The following HS1BP3 variants were observed in gnomAD, a reference collection of about 807,000 sequenced individuals.
The protein encoded by HS1BP3 is HCLS1 binding protein 3.
In HS1BP3, 32 loss-of-function variants were observed where a neutral mutation model predicts 33.5. That is an observed-to-expected ratio of 0.95 (90% CI 0.72 to 1.28). The LOEUF (loss-of-function observed/expected upper bound fraction) is 1.28, where lower values mean the gene tolerates loss of function less well. Among genes scored for constraint, HS1BP3 ranks in the 50% most tolerant of loss-of-function variants. The pLI, the probability that HS1BP3 is intolerant of heterozygous loss-of-function variation, is 0.00. For synonymous variants in HS1BP3, 187 were observed against 209.2 expected (o/e 0.89, Z 0.92); for missense variants, 486 against 502.3 (o/e 0.97, Z 0.31).
intron 3 of HS1BP3, among the ~76,000 whole-genome samples, chr2:20,596,643 G>T (rs1324964781): frequency 6.6e-6 from 1 of 152,210 alleles, no homozygotes; most frequent in Admixed American, 6.5e-5. Context: ...TTTTATAGCA[G>T]CTTGAAAGGA....
downstream of HS1BP3, among the ~76,000 whole-genome samples, chr2:20,558,824 C>T (rs1465799514): frequency 6.6e-6 from 1 of 152,116 alleles, no homozygotes; most frequent in South Asian, 2.1e-4. Flanking sequence ...TACTGGGGGG[C>T]CCATGACCAC....
chr2:20,616,877 A>G (rs2149288279), downstream of HS1BP3, among the ~76,000 whole-genome samples: 1 of 152,276 alleles, frequency 6.6e-6, no homozygotes, highest in East Asian at 1.9e-4. Context: ...AGGATCATTG[A>G]TTGGCCATGA....
chr2:20,624,694 G>T, intron 5 of HS1BP3, 38 bp downstream of exon 5: 1 of 1,545,204 alleles, frequency 6.5e-7, no homozygotes, highest in Non-Finnish European at 8.7e-7. Flanking sequence ...GCTGGGCACC[G>T]AGAGGACACC....
At position 20,618,717 on chromosome 2, in the gene HS1BP3, C is replaced by A; in HGVS notation, c.*270G>T. On this transcript the variant is annotated 3_prime_UTR_variant, in exon 7 of 7. Transcript: ENST00000304031. ...GCTTCTGGTTGGCAAGGCATCCCCACACCCTCCCTCCCCTTCATGTCCACG... is the reference window on the plus strand; with the variant it reads ...GCTTCTGGTTGGCAAGGCATCCCCAAACCCTCCCTCCCCTTCATGTCCACG... 2 of 1,265,158 alleles carry A rather than the reference C, an allele frequency of 1.6e-6. No individual in the cohort carries two copies. The highest frequency in any genetic ancestry group is 1.0e-6 in the Non-Finnish European group (1 of 1,003,256). The allele number at this position is 1,265,158 out of a possible 1,614,324, so 78.4% of individuals were successfully genotyped here. A position where few individuals can be genotyped will look rare whatever the true frequency, so the allele number is the denominator to read the frequency against.
rs759181011 is a variant in HS1BP3, at chr2:20,640,834, G to A, written c.406+139C>T. 46 of 794,984 alleles carry A rather than the reference G, an allele frequency of 5.8e-5. No homozygotes were observed. The Middle Eastern group carries it at 2.1e-3, about 37-fold the overall frequency. 49.2% of individuals were successfully genotyped at this position (794,984 alleles called of 1,614,324 possible). A position where few individuals can be genotyped will look rare whatever the true frequency, so the allele number is the denominator to read the frequency against. On this transcript the variant is annotated intron_variant, in intron 3 of 6. Coordinates refer to ENST00000304031, the MANE Select transcript of HS1BP3 (RefSeq NM_022460.4). ...CCACCATCCAGCCAAGGATGTCAGC[G>A]AGGCCACCTGCCTCACCAGCCTGGC...
At chr2:20,592,396 C>G (rs1436959292), downstream of HS1BP3, 1 of 163,566 alleles carries the variant, frequency 6.1e-6, no homozygotes, top group Non-Finnish European at 1.5e-5. Flanking sequence ...CCTCCCCCAT[C>G]CATCACAGTT....
intron 5 of HS1BP3, among the ~76,000 whole-genome samples, chr2:20,561,745 G>A (rs1693002920): frequency 6.6e-6 from 1 of 152,126 alleles, no homozygotes; most frequent in Non-Finnish European, 1.5e-5. Context: ...TTGGTTTCTG[G>A]CACACTGCTC....
intron 2 of HS1BP3, among the ~76,000 whole-genome samples, chr2:20,644,916 C>A (rs1299290900): frequency 6.6e-6 from 1 of 152,182 alleles, no homozygotes; most frequent in Non-Finnish European, 1.5e-5. Context: ...TGCAGAGTTC[C>A]CACTCAATGT....
Position 20,619,113 on chromosome 2 carries a change from G to A in HS1BP3, c.1053C>T (p.Gly351=). The A allele has an allele frequency of 6.2e-7, 1 of 1,614,192 alleles. No homozygotes were observed. The highest frequency in any genetic ancestry group is 8.5e-7 in the Non-Finnish European group (1 of 1,180,008). ...PRKPAVPPKA[G]PAEAVAGQQK... Reference sequence around the variant, plus strand: ...GCTGCCCAGCCACAGCTTCAGCCGGGCCCGCTTTGGGGGGAACAGCTGGTT... The same window carrying A: ...GCTGCCCAGCCACAGCTTCAGCCGGACCCGCTTTGGGGGGAACAGCTGGTT... Residue 351 remains glycine (G), a synonymous_variant, in exon 7 of 7, where the codon GGC becomes GGT. Transcript: ENST00000304031.
chr2:20,617,312 G>C (rs1036614850), downstream of HS1BP3, among the ~76,000 whole-genome samples: 1 of 152,198 alleles, frequency 6.6e-6, no homozygotes, highest in African/African-American at 2.4e-5. Context: ...GGGCGGGTGT[G>C]AAGGGGGAAG....
chr2:20,628,667 A>T (rs1200234904), intron 4 of HS1BP3, among the ~76,000 whole-genome samples: 4 of 151,642 alleles, frequency 2.6e-5, no homozygotes, highest in Non-Finnish European at 5.9e-5. Context: ...TCATTAGCAC[A>T]CAGGGTGTTC....
At chr2:20,621,284 C>T (rs550829642) in intron 6 of HS1BP3, among the ~76,000 whole-genome samples, 8 of 152,328 alleles carry the variant, frequency 5.3e-5, no homozygotes, top group South Asian at 2.1e-4. Context: ...GAAGGAGCTC[C>T]GGACACCCTG....
At chr2:20,612,571 G>C (rs1694338185) in intron 2 of HS1BP3, among the ~76,000 whole-genome samples, 1 of 152,152 alleles carries the variant, frequency 6.6e-6, no homozygotes, top group African/African-American at 2.4e-5. Context: ...ACAATACGTG[G>C]TCTTTTGAGT....
intron 4 of HS1BP3, among the ~76,000 whole-genome samples, chr2:20,625,820 G>A (rs1002259753): frequency 6.6e-6 from 1 of 152,242 alleles, no homozygotes; most frequent in Non-Finnish European, 1.5e-5. Context: ...GGCTGGATAA[G>A]TAAACACGCA....
chr2:20,626,997 C>G (rs1450675497), intron 4 of HS1BP3, among the ~76,000 whole-genome samples: 1 of 152,236 alleles, frequency 6.6e-6, no homozygotes, highest in Non-Finnish European at 1.5e-5. Context: ...CAGCCAAGAC[C>G]CACTGAGTCG....
chr2:20,619,129 A>C lies in HS1BP3; in HGVS notation c.1037T>G (p.Val346Gly), dbSNP rs183773608. The change falls in exon 7 of 7, where the codon GTT (valine) becomes GGT (glycine). Residue 346 changes from valine (V) to glycine (G), a missense_variant. Val to Gly is a moderately radical substitution (Grantham distance 109). Transcript: ENST00000304031. The part of the protein sequence containing the change: ...AKPVIPRKPA[V>G]PPKAGPAEAV... Reference sequence around the variant, plus strand: ...TTCAGCCGGGCCCGCTTTGGGGGGAACAGCTGGTTTTCTGGGTATCACCGG... The same window carrying C: ...TTCAGCCGGGCCCGCTTTGGGGGGACCAGCTGGTTTTCTGGGTATCACCGG... The C allele has an allele frequency of 2.5e-4, 397 of 1,613,368 alleles. 4 individuals are homozygous for C. In the East Asian group the frequency reaches 8.5e-3, roughly 35 times the overall value.
At chr2:20,614,588 A>G (rs772117351), downstream of HS1BP3, among the ~76,000 whole-genome samples, 12 of 152,236 alleles carry the variant, frequency 7.9e-5, no homozygotes, top group Non-Finnish European at 1.5e-4. Context: ...CTTGCCTGGA[A>G]CAGGTACTGC....
intron 5 of HS1BP3, among the ~76,000 whole-genome samples, chr2:20,585,056 C>G (rs1259855269): frequency 6.6e-6 from 1 of 152,216 alleles, no homozygotes; most frequent in Non-Finnish European, 1.5e-5. Flanking sequence ...TCCCTCATCA[C>G]CTCCTCCCAC....
At chr2:20,630,946 C>T (rs1324740163) in intron 4 of HS1BP3, among the ~76,000 whole-genome samples, 1 of 152,120 alleles carries the variant, frequency 6.6e-6, no homozygotes, top group Non-Finnish European at 1.5e-5. Flanking sequence ...GAGATTCTGG[C>T]CTTTGCTGAG....
Sources: allele counts gnomAD v4.1 joint callset (sites outside exome capture counted in the v4.1 genomes callset), GRCh38; gene constraint gnomAD v4.1.1; transcripts MANE v1.5; gene names NCBI Gene and HGNC (gene_info 2026-07-23, HGNC 2026-07-21).